Variants in SCD5 observed in about 807,000 individuals in gnomAD.
SCD5 encodes the protein stearoyl-CoA desaturase 5, also known as acyl-CoA-desaturase 4.
Under a neutral mutation model 30.4 loss-of-function variants are expected in SCD5, and 20 were observed. The ratio of observed to expected loss-of-function variants is 0.66; its 90% CI spans 0.46 to 0.96. The LOEUF (loss-of-function observed/expected upper bound fraction) is 0.96, where lower values mean the gene tolerates loss of function less well. Ranked by LOEUF, SCD5 falls within the 40% of genes least tolerant of loss-of-function variation. The pLI is 0.00. For synonymous variants in SCD5, 173 were observed against 176.4 expected (o/e 0.98, Z 0.16); for missense variants, 381 against 443.3 (o/e 0.86, Z 1.26).
chr4:82,683,906 G>A (rs996223255), intron 2 of SCD5, among the ~76,000 whole-genome samples: 5 of 152,176 alleles, frequency 3.3e-5, no homozygotes. Flanking sequence ...AGAACTGTGA[G>A]TCAATTAAAC....
chr4:82,698,595 C>A (rs1014219227), intron 2 of SCD5, among the ~76,000 whole-genome samples: 4 of 152,220 alleles, frequency 2.6e-5, no homozygotes, highest in African/African-American at 4.8e-5. Context: ...CCTGACAGAG[C>A]CTTGCACTGA....
intron 3 of SCD5, among the ~76,000 whole-genome samples, chr4:82,669,639 C>T (rs1728265195): frequency 6.6e-6 from 1 of 152,166 alleles, no homozygotes; most frequent in Non-Finnish European, 1.5e-5. Context: ...CATAGGGAGT[C>T]CCCCATGCTT....
At chr4:82,755,241 T>A (rs1721208859) in intron 1 of SCD5, among the ~76,000 whole-genome samples, 1 of 152,142 alleles carries the variant, frequency 6.6e-6, no homozygotes, top group Non-Finnish European at 1.5e-5. Context: ...GGCTCATGCC[T>A]GTAATCCCAG....
At chr4:82,747,355 T>C (rs77858132) in intron 1 of SCD5, among the ~76,000 whole-genome samples, 14,934 of 152,140 alleles carry the variant, frequency 0.098, 948 homozygotes, top group Non-Finnish European at 0.15. Flanking sequence ...AGTCTCACAG[T>C]TAATAAATGT....
At chr4:82,668,302 T>C (rs954991380) in intron 3 of SCD5, among the ~76,000 whole-genome samples, 1 of 149,528 alleles carries the variant, frequency 6.7e-6, no homozygotes, top group African/African-American at 2.5e-5. Flanking sequence ...GGGACGGAGA[T>C]TGAGTAATGG....
intron 1 of SCD5, among the ~76,000 whole-genome samples, chr4:82,790,243 C>T (rs368630236): frequency 6.6e-6 from 1 of 152,118 alleles, no homozygotes; most frequent in African/African-American, 2.4e-5. Context: ...TTATGTGCGA[C>T]GGGCTGAGAG....
intron 1 of SCD5, among the ~76,000 whole-genome samples, chr4:82,721,492 C>T (rs978942984): frequency 1.3e-5 from 2 of 152,136 alleles, no homozygotes; most frequent in African/African-American, 4.8e-5. Flanking sequence ...TGTGACTTGA[C>T]GTGGAGGTAG....
intron 1 of SCD5, among the ~76,000 whole-genome samples, chr4:82,788,841 C>T (rs991911608): frequency 6.6e-6 from 1 of 152,210 alleles, no homozygotes; most frequent in Non-Finnish European, 1.5e-5. Context: ...GGAACTCTGG[C>T]GGCCACCTTG....
intron 1 of SCD5, among the ~76,000 whole-genome samples, chr4:82,717,440 T>C (rs1720252330): frequency 6.6e-6 from 1 of 151,826 alleles, no homozygotes; most frequent in South Asian, 2.1e-4. Context: ...GAGAACAAAG[T>C]GAGTAATTTA....
In SCD5 at chr4:82,795,809, C is replaced by CAAAAAA. The variant is rs72115040; in HGVS notation, c.232+2491_232+2496dup. On this transcript the variant is annotated intron_variant, in intron 1 of 4. Transcript: ENST00000319540. The stretch of plus-strand genomic sequence containing the variant: ...TGCACTCCAGCAAGACCCTGTCTCA[C>CAAAAAA]AAAAAAAAAAAAAAAAAAAAAAAAA... Among the ~76,000 whole-genome samples, 33 of 43,908 alleles carry CAAAAAA rather than the reference C, an allele frequency of 7.5e-4. 6 individuals are homozygous for CAAAAAA. The highest frequency in any genetic ancestry group is 2.5e-3 in the African/African-American group (28 of 11,424). The allele number at this position is 43,908 out of a possible 152,430, so 28.8% of individuals were successfully genotyped here.
At chr4:82,787,696 AC>A (rs1461145366) in intron 1 of SCD5, among the ~76,000 whole-genome samples, 30 of 152,068 alleles carry the variant, frequency 2.0e-4, no homozygotes, top group African/African-American at 6.5e-4. Context: ...TGAGGATGGA[AC>A]CATCAGGAAT....
intron 1 of SCD5, among the ~76,000 whole-genome samples, chr4:82,724,805 A>G (rs1007349722): frequency 5.3e-5 from 8 of 152,230 alleles, no homozygotes; most frequent in African/African-American, 1.9e-4. Flanking sequence ...GCCTGTGAGC[A>G]GTGGGGCTTG....
rs1203480434 is a variant in SCD5, at chr4:82,774,868, G to A, written c.232+23438C>T. Among the ~76,000 whole-genome samples the A allele has an allele frequency of 3.9e-5, 6 of 152,196 alleles. No individual in the cohort carries two copies. In the East Asian group the frequency reaches 1.2e-3, roughly 29 times the overall value. ...GGAGGAATTTGGAATTTGACCATCA[G>A]CAAAGCTTTAGAGGCACCAACAGGG... is the stretch of plus-strand genomic sequence containing the variant. On this transcript the variant is annotated intron_variant, in intron 1 of 4. Transcript: ENST00000319540.
At chr4:82,719,832 C>T (rs898790590) in intron 1 of SCD5, among the ~76,000 whole-genome samples, 3 of 151,368 alleles carry the variant, frequency 2.0e-5, no homozygotes, top group African/African-American at 7.3e-5. Context: ...GACAGGGTCT[C>T]GCTCTGTCAC....
rs542139185 is a variant in SCD5 at position 82,770,822 on chromosome 4, T to C, written c.232+27484A>G. On this transcript the variant is annotated intron_variant, in intron 1 of 4. Coordinates refer to ENST00000319540, the MANE Select transcript of SCD5 (RefSeq NM_001037582.3). ...TGCCCTAACAGCATCCATGAGCCAA[T>C]GGTGGACAGAGTTGGGTGGATAAAT... Among the ~76,000 whole-genome samples, 6 of 152,356 alleles carry C rather than the reference T, an allele frequency of 3.9e-5. No homozygotes were observed. The East Asian group carries it at 1.2e-3, about 29-fold the overall frequency.
At chr4:82,647,261 A>G (rs1434606151) in intron 3 of SCD5, among the ~76,000 whole-genome samples, 1 of 152,072 alleles carries the variant, frequency 6.6e-6, no homozygotes, top group Non-Finnish European at 1.5e-5. Context: ...TTTAGCCTAC[A>G]TATATGTAGA....
At chr4:82,666,336 T>G (rs1269344827) in intron 3 of SCD5, among the ~76,000 whole-genome samples, 1 of 152,156 alleles carries the variant, frequency 6.6e-6, no homozygotes. Context: ...CCATACACTT[T>G]CCTTGAAAGT....
chr4:82,699,056 CA>C (rs1463568988), intron 2 of SCD5, among the ~76,000 whole-genome samples: 1 of 152,116 alleles, frequency 6.6e-6, no homozygotes, highest in African/African-American at 2.4e-5. Flanking sequence ...GGCACTAGAG[CA>C]GGGGTCCGCA....
chr4:82,772,587 G>C (rs1721651075), intron 1 of SCD5, among the ~76,000 whole-genome samples: 1 of 152,202 alleles, frequency 6.6e-6, no homozygotes, highest in South Asian at 2.1e-4. Context: ...GGATGGTCTA[G>C]GATGGCCTCA....
Sources: allele counts gnomAD v4.1 joint callset (sites outside exome capture counted in the v4.1 genomes callset), GRCh38; gene constraint gnomAD v4.1.1; transcripts MANE v1.5; gene names NCBI Gene and HGNC (gene_info 2026-07-23, HGNC 2026-07-21).